The following EHHADH variants were observed in gnomAD, a reference collection of about 807,000 sequenced individuals.
EHHADH encodes peroxisomal bifunctional enzyme.
A neutral mutation model predicts 64.4 loss-of-function variants in EHHADH; 48 were observed. The ratio of observed to expected loss-of-function variants is 0.75; its 90% CI spans 0.59 to 0.95. The LOEUF (loss-of-function observed/expected upper bound fraction) is 0.95, where lower values mean the gene tolerates loss of function less well. Among genes scored for constraint, EHHADH ranks in the 40% least tolerant of loss-of-function variants. EHHADH has a pLI of 0.00. For synonymous variants in EHHADH, 308 were observed against 326.7 expected (o/e 0.94, Z 0.62); for missense variants, 854 against 876.6 (o/e 0.97, Z 0.33).
chr3:185,204,637 T>G lies in EHHADH; in HGVS notation c.689A>C (p.Gln230Pro). 3 of 1,614,258 alleles carry G rather than the reference T, an allele frequency of 1.9e-6. No individual in the cohort carries two copies. Among genetic ancestry groups the G allele is most frequent in the Non-Finnish European group, 2.5e-6 (3 of 1,180,040 alleles). ...CTGGACTGCACGGACACAAGCCTCC[T>G]GTGCAAGACACCCAGGGTGCTGCCT... ...MRRQHPGCLA[Q>P]EACVRAVQAA... Residue 230 changes from glutamine to proline, a missense_variant, in exon 6 of 7, where the codon CAG becomes CCG. Physicochemically the swap from Gln to Pro is moderately conservative, Grantham distance 76. Transcript: ENST00000231887.
At chr3:185,226,985 T>C (rs942735908) in intron 4 of EHHADH, 1 of 152,240 alleles carries the variant, frequency 6.6e-6, no homozygotes, top group African/African-American at 2.4e-5. Flanking sequence ...TTCACTGCTA[T>C]AGGCCTAATG....
chr3:185,232,434 C>T (rs556790280), intron 3 of EHHADH, among the ~76,000 whole-genome samples: 2 of 152,054 alleles, frequency 1.3e-5, no homozygotes, highest in East Asian at 1.9e-4. Flanking sequence ...AATATTATGC[C>T]GCCACTTATA....
chr3:185,201,041 G>A (rs1016596317), intron 6 of EHHADH, among the ~76,000 whole-genome samples: 2 of 152,204 alleles, frequency 1.3e-5, no homozygotes, highest in Non-Finnish European at 2.9e-5. Flanking sequence ...AGTAATGGAT[G>A]TAGTTGAAAT....
intron 5 of EHHADH, among the ~76,000 whole-genome samples, chr3:185,213,958 C>A (rs1450068489): frequency 6.6e-6 from 1 of 150,942 alleles, no homozygotes; most frequent in African/African-American, 2.4e-5. Flanking sequence ...AGGCACAATA[C>A]CTCAAATGAA....
At chr3:185,214,226 C>T (rs1026287680) in intron 5 of EHHADH, among the ~76,000 whole-genome samples, 1 of 152,206 alleles carries the variant, frequency 6.6e-6, no homozygotes, top group African/African-American at 2.4e-5. Context: ...ACACACATTA[C>T]ACCCCAAAAC....
At chr3:185,204,786 T>C (rs772723056) in intron 5 of EHHADH, 29 bp from the exon 6 acceptor site, 4 of 1,538,932 alleles carry the variant, frequency 2.6e-6, no homozygotes, top group Non-Finnish European at 3.5e-6. Flanking sequence ...ATCAGAGCTT[T>C]GGAAATGTTA....
At chr3:185,243,633 G>A (rs1719514926) in intron 2 of EHHADH, among the ~76,000 whole-genome samples, 1 of 152,058 alleles carries the variant, frequency 6.6e-6, no homozygotes, top group African/African-American at 2.4e-5. Context: ...CCATGTATTT[G>A]TAGAGTTTTG....
chr3:185,193,325 C>G lies in EHHADH; in HGVS notation c.1073G>C (p.Trp358Ser). ...ASKMQQSGHP[W>S]SGPKPRLTSS... ...AGTTAACCTGGGTTTTGGTCCTGACCAAGGGTGGCCGCTCTGTTGCATTTT... is the reference window on the plus strand; with the variant it reads ...AGTTAACCTGGGTTTTGGTCCTGACGAAGGGTGGCCGCTCTGTTGCATTTT... Residue 358 changes from tryptophan to serine, a missense_variant, in exon 7 of 7, where the codon TGG becomes TCG. Trp to Ser is a radical substitution (Grantham distance 177, BLOSUM62 -3). Transcript: ENST00000231887. 1 of 1,613,424 alleles carries G rather than the reference C, an allele frequency of 6.2e-7. No homozygotes were observed.
At chr3:185,197,341 C>T (rs1186431275) in intron 6 of EHHADH, among the ~76,000 whole-genome samples, 1 of 152,198 alleles carries the variant, frequency 6.6e-6, no homozygotes, top group African/African-American at 2.4e-5. Flanking sequence ...ATAGCCATTT[C>T]TAAGTGCACA....
intron 5 of EHHADH, among the ~76,000 whole-genome samples, chr3:185,211,503 A>AAG (rs1276299919): frequency 6.6e-6 from 1 of 152,288 alleles, no homozygotes; most frequent in East Asian, 1.9e-4. Context: ...GCCTAGGCTA[A>AAG]AGAGAGACTC....
intron 5 of EHHADH, among the ~76,000 whole-genome samples, chr3:185,211,728 T>G (rs1254936229): frequency 6.6e-6 from 1 of 152,222 alleles, no homozygotes. Context: ...GTAGGCCTCC[T>G]ATGTAAGGCA....
At chr3:185,212,312 T>C (rs931065716) in intron 5 of EHHADH, among the ~76,000 whole-genome samples, 4 of 152,214 alleles carry the variant, frequency 2.6e-5, no homozygotes, top group African/African-American at 4.8e-5. Flanking sequence ...CTTCATAGAA[T>C]ACGAACATTA....
chr3:185,222,693 G>A (rs928587204), intron 4 of EHHADH, among the ~76,000 whole-genome samples: 9 of 152,134 alleles, frequency 5.9e-5, no homozygotes, highest in Non-Finnish European at 1.2e-4. Flanking sequence ...AGAAAGGCAA[G>A]TAATGTCTTA....
At chr3:185,219,122 C>T (rs1399434980) in intron 4 of EHHADH, among the ~76,000 whole-genome samples, 1 of 152,180 alleles carries the variant, frequency 6.6e-6, no homozygotes, top group East Asian at 1.9e-4. Flanking sequence ...AGTTGACATT[C>T]TATAAGGTAT....
Position 185,192,598 on chromosome 3 carries a change from T to A in EHHADH, c.1800A>T (p.Leu600=). 1 of 1,614,214 alleles carries A rather than the reference T, an allele frequency of 6.2e-7. No individual in the cohort carries two copies. Among genetic ancestry groups the A allele is most frequent in the African/African-American group, 1.3e-5 (1 of 75,060 alleles). ...TGTGATGGGTTTTTCTATACCGTGA[T>A]AGGAATTTGGAAAGCCAGGGATCAG... The part of the protein sequence containing the change: ...HKPDPWLSKF[L]SRYRKTHHIE... The change falls in exon 7 of 7, where the codon CTA becomes CTT. Residue 600 remains leucine, a synonymous_variant. Transcript: ENST00000231887.
At chr3:185,195,851 AG>A in intron 6 of EHHADH, among the ~76,000 whole-genome samples, 1 of 152,216 alleles carries the variant, frequency 6.6e-6, no homozygotes, top group Non-Finnish European at 1.5e-5. Context: ...AGTGAACATT[AG>A]AAGCCCAAAC....
intron 6 of EHHADH, among the ~76,000 whole-genome samples, chr3:185,196,579 G>T (rs2108624948): frequency 6.6e-6 from 1 of 152,244 alleles, no homozygotes; most frequent in African/African-American, 2.4e-5. Context: ...GATGGAGGTT[G>T]CACTGATCCG....
Position 185,218,189 on chromosome 3 carries a change from A to G in EHHADH, c.515T>C (p.Val172Ala). ...EALKLGILDK[V>A]VNSDPVEEAI... ...TTCTTCAACCGGGTCTGAGTTTACA[A>G]CTTTATCTAGAATGCCCAGCTTGAG... The change falls in exon 5 of 7, where the codon GTT (valine) becomes GCT (alanine). Residue 172 changes from valine (V) to alanine (A), a missense_variant. Transcript: ENST00000231887. 1 of 1,606,656 alleles carries G rather than the reference A, an allele frequency of 6.2e-7. No homozygotes were observed. The highest frequency in any genetic ancestry group is 8.5e-7 in the Non-Finnish European group (1 of 1,177,568).
At chr3:185,249,754 T>C (rs888724095) in intron 1 of EHHADH, among the ~76,000 whole-genome samples, 3 of 151,686 alleles carry the variant, frequency 2.0e-5, no homozygotes, top group Admixed American at 1.3e-4. Context: ...TATGTCTTTA[T>C]AGCAGTGTGA....
Sources: gnomAD v4.1 joint callset for allele counts (sites outside exome capture counted in the v4.1 genomes callset) on GRCh38, gnomAD v4.1.1 for gene constraint, MANE v1.5 for transcripts, NCBI Gene and HGNC (gene_info 2026-07-23, HGNC 2026-07-21) for gene names.